WDR7: variants seen among roughly 807,000 people sequenced by gnomAD.
The protein encoded by WDR7 is WD repeat-containing protein 7.
WDR7 carries 46 observed loss-of-function variants against 169.4 expected under a neutral mutation model. That is an observed-to-expected ratio of 0.27 (90% CI 0.21 to 0.35). The LOEUF is 0.35. WDR7 is among the 10% of genes least tolerant of loss of function. The probability of loss-of-function intolerance (pLI) is 1.00; values close to 1 mark genes in which losing one functional copy is unlikely to be tolerated. For synonymous variants in WDR7, 612 were observed against 666.8 expected (o/e 0.92, Z 1.27); for missense variants, 1,534 against 1,859.3 (o/e 0.83, Z 3.22).
chr18:56,909,174 T>G (rs2046520645), intron 21 of WDR7, among the ~76,000 whole-genome samples: 1 of 152,098 alleles, frequency 6.6e-6, no homozygotes, highest in Non-Finnish European at 1.5e-5. Context: ...ATATTAAGCT[T>G]GGGATTAGAA....
At chr18:56,808,897 T>C (rs2044821686) in intron 19 of WDR7, among the ~76,000 whole-genome samples, 1 of 152,204 alleles carries the variant, frequency 6.6e-6, no homozygotes, top group South Asian at 2.1e-4. Flanking sequence ...TGGGAAGTTT[T>C]ATGTATATAG....
At chr18:56,797,907 C>T (rs943247887) in intron 19 of WDR7, among the ~76,000 whole-genome samples, 28 of 152,132 alleles carry the variant, frequency 1.8e-4, no homozygotes, top group Admixed American at 1.3e-4. Context: ...TTCCCTTGGG[C>T]GTTTATAGCC....
chr18:56,859,478 T>C (rs1317273038), intron 20 of WDR7, among the ~76,000 whole-genome samples: 1 of 152,172 alleles, frequency 6.6e-6, no homozygotes, highest in Non-Finnish European at 1.5e-5. Context: ...ATTGATTGTT[T>C]TCTGCCTTAT....
intron 17 of WDR7, among the ~76,000 whole-genome samples, chr18:56,777,264 T>C (rs2044254537): frequency 6.6e-6 from 1 of 152,182 alleles, no homozygotes; most frequent in Non-Finnish European, 1.5e-5. Context: ...TTTTCACAAT[T>C]GTGTATGCCA....
chr18:56,883,301 T>TAGTTTACA (rs1416740308), intron 21 of WDR7, among the ~76,000 whole-genome samples: 9 of 151,996 alleles, frequency 5.9e-5, no homozygotes, highest in African/African-American at 2.2e-4. Flanking sequence ...CTGGGTAGGT[T>TAGTTTACA]AGTTTACATC....
At chr18:57,012,187 A>G (rs1309809705) in intron 26 of WDR7, among the ~76,000 whole-genome samples, 2 of 152,164 alleles carry the variant, frequency 1.3e-5, no homozygotes, top group African/African-American at 4.8e-5. Context: ...TGGGTCAAAT[A>G]AAAGAGTGTT....
intron 20 of WDR7, among the ~76,000 whole-genome samples, chr18:56,851,230 G>A (rs2045636537): frequency 6.6e-6 from 1 of 151,916 alleles, no homozygotes; most frequent in Non-Finnish European, 1.5e-5. Context: ...TCATTTCTCA[G>A]CCTCTGACTT....
intron 20 of WDR7, among the ~76,000 whole-genome samples, chr18:56,817,799 G>T (rs2045006863): frequency 6.7e-6 from 1 of 149,944 alleles, no homozygotes; most frequent in Non-Finnish European, 1.5e-5. Context: ...AGGTTGGGGT[G>T]CAGTGGCGCG....
At chr18:56,722,628 T>C (rs1387223500) in intron 13 of WDR7, among the ~76,000 whole-genome samples, 1 of 152,200 alleles carries the variant, frequency 6.6e-6, no homozygotes, top group Non-Finnish European at 1.5e-5. Context: ...TTTTCTCTTT[T>C]AATGATTGAC....
intron 13 of WDR7, among the ~76,000 whole-genome samples, chr18:56,730,324 G>GAAT (rs1358077651): frequency 6.6e-6 from 1 of 152,204 alleles, no homozygotes; most frequent in Non-Finnish European, 1.5e-5. Flanking sequence ...GATGGCCAGA[G>GAAT]AATAACTCAT....
At chr18:56,907,175 T>TA (rs1463251908) in intron 21 of WDR7, among the ~76,000 whole-genome samples, 4 of 152,102 alleles carry the variant, frequency 2.6e-5, no homozygotes, top group Non-Finnish European at 5.9e-5. Context: ...TTTATTTTGG[T>TA]AAAAAAAGTA....
At chr18:57,024,014 G>A (rs1476439014) in intron 27 of WDR7, among the ~76,000 whole-genome samples, 1 of 152,132 alleles carries the variant, frequency 6.6e-6, no homozygotes, top group Non-Finnish European at 1.5e-5. Flanking sequence ...ATATAAGCTT[G>A]TTTATATAAA....
At chr18:56,807,927 A>G (rs2044804110) in intron 19 of WDR7, among the ~76,000 whole-genome samples, 2 of 152,212 alleles carry the variant, frequency 1.3e-5, no homozygotes, top group African/African-American at 4.8e-5. Context: ...TCTACAAGAC[A>G]TCTATACTGT....
intron 26 of WDR7, among the ~76,000 whole-genome samples, chr18:57,016,948 G>A (rs535325738): frequency 1.3e-5 from 2 of 152,086 alleles, no homozygotes; most frequent in African/African-American, 2.4e-5. Flanking sequence ...ATACTCATTC[G>A]CATATAAAAA....
At chr18:56,741,226 C>G (rs911232530) in intron 14 of WDR7, among the ~76,000 whole-genome samples, 1 of 152,250 alleles carries the variant, frequency 6.6e-6, no homozygotes, top group African/African-American at 2.4e-5. Context: ...TGGCTCTTTA[C>G]AGAAAAAGTT....
At position 56,781,483 on chromosome 18, in the gene WDR7, C is replaced by T. The variant is rs753823806; in HGVS notation, c.3067-50C>T. 4.8e-6 allele frequency: 7 copies of T among 1,451,644 alleles called. No homozygotes were observed. In the South Asian group the frequency reaches 6.2e-5, roughly 13 times the overall value. The allele number at this position is 1,451,644 out of a possible 1,614,324, so 89.9% of individuals were successfully genotyped here. ...AATTTTCTAGTTTATGAATATTCACCTCCTCAACTAATCTGCTTTCTGCTT... is the reference window on the plus strand; with the variant it reads ...AATTTTCTAGTTTATGAATATTCACTTCCTCAACTAATCTGCTTTCTGCTT... On this transcript the variant is annotated intron_variant, in intron 18 of 27. Transcript: ENST00000254442.
chr18:56,687,224 A>G (rs1335377029), intron 7 of WDR7, among the ~76,000 whole-genome samples: 2 of 152,036 alleles, frequency 1.3e-5, no homozygotes, highest in Non-Finnish European at 2.9e-5. Context: ...CCTTTTTGCT[A>G]CTGTTTTAGT....
intron 14 of WDR7, among the ~76,000 whole-genome samples, chr18:56,747,529 T>C (rs777306578): frequency 7.9e-5 from 12 of 152,290 alleles, no homozygotes; most frequent in African/African-American, 1.7e-4. Flanking sequence ...GGCCCTGGCA[T>C]TGGGGAGTTC....
chr18:57,032,071 G>A (rs920974079), downstream of WDR7: 1 of 152,210 alleles, frequency 6.6e-6, no homozygotes, highest in African/African-American at 2.4e-5. Flanking sequence ...ATTGCTATGT[G>A]TTACCACCCC....
Sources: allele counts gnomAD v4.1 joint callset (sites outside exome capture counted in the v4.1 genomes callset), GRCh38; gene constraint gnomAD v4.1.1; transcripts MANE v1.5; gene names NCBI Gene and HGNC (gene_info 2026-07-23, HGNC 2026-07-21).